Variants in PAPOLG observed in about 807,000 individuals in gnomAD.
The protein encoded by PAPOLG is PAP-gamma.
A neutral mutation model predicts 99.0 loss-of-function variants in PAPOLG; 40 were observed. The observed-to-expected ratio is 0.40, with a 90% CI of 0.31 to 0.53. The LOEUF is 0.53. PAPOLG is among the 20% of genes least tolerant of loss of function. The probability of loss-of-function intolerance (pLI) is 0.41; values close to 1 mark genes in which losing one functional copy is unlikely to be tolerated. For synonymous variants in PAPOLG, 310 were observed against 299.3 expected, an observed-to-expected ratio of 1.04 and a Z score of -0.37; for missense variants, 675 against 884.1, an observed-to-expected ratio of 0.76 and a Z score of 3.00.
At chr2:60,783,892 T>C (rs1034339592) in intron 13 of PAPOLG, among the ~76,000 whole-genome samples, 2 of 152,244 alleles carry the variant, frequency 1.3e-5, no homozygotes, top group African/African-American at 2.4e-5. Flanking sequence ...TTGCTTCTTA[T>C]TGCTTCTCAG....
intron 2 of PAPOLG, 81 bp from the exon 3 acceptor site, chr2:60,761,660 G>C (rs1415759460): frequency 8.3e-7 from 1 of 1,198,472 alleles, no homozygotes; most frequent in East Asian, 2.3e-5. Flanking sequence ...TCAACACAAA[G>C]GGTACTGCCT....
intron 2 of PAPOLG, among the ~76,000 whole-genome samples, chr2:60,761,416 A>G (rs914491053): frequency 6.6e-6 from 1 of 152,248 alleles, no homozygotes; most frequent in African/African-American, 2.4e-5. Context: ...AATTAATTCC[A>G]TAGTAAAGCC....
At chr2:60,776,735 A>G (rs2103790504) in intron 8 of PAPOLG, among the ~76,000 whole-genome samples, 1 of 152,166 alleles carries the variant, frequency 6.6e-6, no homozygotes, top group South Asian at 2.1e-4. Context: ...GCCAGCTTCA[A>G]TTTAAAGTCA....
chr2:60,763,416 C>T (rs1573219174), intron 3 of PAPOLG, among the ~76,000 whole-genome samples: 1 of 152,058 alleles, frequency 6.6e-6, no homozygotes, highest in African/African-American at 2.4e-5. Context: ...CTTTTTCCCC[C>T]CAGTATTTTT....
intron 21 of PAPOLG, 57 bp from the exon 22 acceptor site, chr2:60,797,005 C>T (rs1486519939): frequency 3.1e-6 from 5 of 1,599,430 alleles, no homozygotes; most frequent in Non-Finnish European, 3.4e-6. Context: ...TCTAGCTGGG[C>T]CTTTATAATA....
chr2:60,756,834 C>T (rs2099613), intron 1 of PAPOLG, among the ~76,000 whole-genome samples: 36,570 of 152,034 alleles, frequency 0.24, 4,854 homozygotes, highest in Middle Eastern at 0.32. Context: ...CCCGTCTGCT[C>T]CTGTCTGCAT....
chr2:60,764,540 C>A (rs1463935987), intron 3 of PAPOLG, among the ~76,000 whole-genome samples: 1 of 152,104 alleles, frequency 6.6e-6, no homozygotes, highest in Non-Finnish European at 1.5e-5. Flanking sequence ...ACCTCCCCAC[C>A]TCAGCCTCCC....
chr2:60,790,575 CG>C (rs1202625641), intron 15 of PAPOLG, among the ~76,000 whole-genome samples: 3 of 152,086 alleles, frequency 2.0e-5, no homozygotes, highest in Admixed American at 6.6e-5. Flanking sequence ...TCTTATAAGG[CG>C]TGAAAAGCAC....
At chr2:60,779,562 G>T (rs1671129094) in intron 8 of PAPOLG, 75 bp from the exon 9 acceptor site, 7 of 1,472,596 alleles carry the variant, frequency 4.8e-6, no homozygotes, top group Non-Finnish European at 6.4e-6. Context: ...CATTCACCTT[G>T]TAAAGAGCAG....
At chr2:60,760,864 TAA>T in intron 2 of PAPOLG, among the ~76,000 whole-genome samples, 1 of 152,292 alleles carries the variant, frequency 6.6e-6, no homozygotes, top group Middle Eastern at 3.4e-3. Context: ...CATGATGACT[TAA>T]AAAAGTTTTA....
At chr2:60,758,603 A>G (rs905167269) in intron 1 of PAPOLG, among the ~76,000 whole-genome samples, 2 of 151,330 alleles carry the variant, frequency 1.3e-5, no homozygotes, top group South Asian at 4.2e-4. Context: ...AATTTTTTGT[A>G]TTTTCAGTAG....
At chr2:60,756,611 T>A in intron 1 of PAPOLG, 116 bp downstream of exon 1, 6 of 1,165,164 alleles carry the variant, frequency 5.1e-6, no homozygotes, top group Non-Finnish European at 7.1e-6. Context: ...CTCGCCGGGA[T>A]GGTCTCCTTC....
chr2:60,787,912 G>A (rs1671415352), intron 15 of PAPOLG, among the ~76,000 whole-genome samples: 1 of 152,078 alleles, frequency 6.6e-6, no homozygotes, highest in East Asian at 1.9e-4. Context: ...TTAGTAGAGT[G>A]TGGTGGCGGA....
intron 2 of PAPOLG, among the ~76,000 whole-genome samples, chr2:60,761,432 A>G (rs1670518287): frequency 6.6e-6 from 1 of 152,212 alleles, no homozygotes; most frequent in African/African-American, 2.4e-5. Context: ...AAGCCAAGAA[A>G]GTTGACAGTT....
chr2:60,792,819 T>G (rs991526330), intron 17 of PAPOLG, among the ~76,000 whole-genome samples: 1 of 152,156 alleles, frequency 6.6e-6, no homozygotes, highest in Non-Finnish European at 1.5e-5. Context: ...GCAGATCACC[T>G]GAGGTCAGGA....
chr2:60,775,148 T>G, intron 8 of PAPOLG, 25 bp downstream of exon 8: 1 of 1,586,198 alleles, frequency 6.3e-7, no homozygotes, highest in Non-Finnish European at 8.5e-7. Context: ...TCTTTTATGT[T>G]TGCATTATAA....
chr2:60,760,542 T>C (rs1026099213), intron 2 of PAPOLG, among the ~76,000 whole-genome samples: 1 of 151,802 alleles, frequency 6.6e-6, no homozygotes, highest in African/African-American at 2.4e-5. Flanking sequence ...GCTGAGGGGG[T>C]AGAGGTTTCA....
chr2:60,772,644 A>C (rs924924687), intron 7 of PAPOLG, among the ~76,000 whole-genome samples: 1 of 152,074 alleles, frequency 6.6e-6, no homozygotes, highest in Non-Finnish European at 1.5e-5. Flanking sequence ...GCTACTCGGG[A>C]GGCTGAGGCA....
chr2:60,756,489 T>G lies in PAPOLG; in HGVS notation c.11T>G (p.Met4Arg). 2 of 1,598,048 alleles carry G rather than the reference T, an allele frequency of 1.3e-6. No individual in the cohort carries two copies. The highest frequency in any genetic ancestry group is 2.2e-5 in the South Asian group (2 of 90,538). MKE[M>R]SANTVLDSQR... The stretch of plus-strand genomic sequence containing the variant: ...GAGACGCAGGAAGCGATGAAAGAGA[T>G]GTCTGCGTAAGTGGTGGGGGGCGGC... Residue 4 changes from methionine (M) to arginine (R), a missense_variant, in exon 1 of 22, where the codon ATG becomes AGG. Around this residue, in one of 3 missense-constraint regions of PAPOLG, gnomAD observed 149 missense variants for 192.1 expected, o/e 0.78. Transcript: ENST00000238714.
Sources: allele counts gnomAD v4.1 joint callset (sites outside exome capture counted in the v4.1 genomes callset), GRCh38; gene constraint gnomAD v4.1.1; regional missense constraint gnomAD v4.1.1; transcripts MANE v1.5; gene names NCBI Gene and HGNC (gene_info 2026-07-23, HGNC 2026-07-21).